TRAPPC9: variants seen among roughly 807,000 people sequenced by gnomAD.
TRAPPC9 encodes IKK2 binding protein.
Under a neutral mutation model 124.0 loss-of-function variants are expected in TRAPPC9, and 83 were observed. That is an observed-to-expected ratio of 0.67 (90% CI 0.56 to 0.80). The LOEUF is 0.80. Ranked by LOEUF, TRAPPC9 falls within the 30% of genes least tolerant of loss-of-function variation. The pLI is 0.00. For synonymous variants in TRAPPC9, 638 were observed against 617.5 expected (o/e 1.03, Z -0.49); for missense variants, 1,302 against 1,508.3 (o/e 0.86, Z 2.27).
At chr8:139,883,189 G>A (rs915764838) in intron 21 of TRAPPC9, among the ~76,000 whole-genome samples, 4 of 152,236 alleles carry the variant, frequency 2.6e-5, no homozygotes, top group Admixed American at 2.0e-4. Flanking sequence ...TAGCACATGA[G>A]TACGCTCAGC....
intron 20 of TRAPPC9, among the ~76,000 whole-genome samples, chr8:139,903,201 A>G (rs1052369792): frequency 2.6e-5 from 4 of 152,132 alleles, no homozygotes; most frequent in Non-Finnish European, 5.9e-5. Context: ...TGTCCTCCGC[A>G]TTTCACAGAT....
intron 11 of TRAPPC9, 73 bp downstream of exon 11, chr8:140,300,396 T>C (rs2131824791): frequency 6.9e-6 from 11 of 1,602,804 alleles, no homozygotes; most frequent in East Asian, 2.2e-5. Flanking sequence ...CAAAATGCTG[T>C]TCTAAAAATC....
At chr8:140,391,667 G>A (rs1373558332) in intron 7 of TRAPPC9, among the ~76,000 whole-genome samples, 5 of 150,076 alleles carry the variant, frequency 3.3e-5, no homozygotes, top group East Asian at 2.0e-4. Flanking sequence ...AGCCGAGATC[G>A]TGCCATTGCA....
At chr8:140,017,211 C>T (rs555266388) in intron 18 of TRAPPC9, among the ~76,000 whole-genome samples, 77 of 152,066 alleles carry the variant, frequency 5.1e-4, no homozygotes, top group Non-Finnish European at 1.0e-3. Flanking sequence ...TTTTAATAAG[C>T]TGAAGTTTTT....
intron 6 of TRAPPC9, chr8:140,405,257 C>G (rs1009813073): frequency 2.3e-5 from 6 of 258,096 alleles, no homozygotes; most frequent in African/African-American, 1.4e-4. Context: ...AAGTATGCTC[C>G]ATTTCTTAAA....
intron 17 of TRAPPC9, among the ~76,000 whole-genome samples, chr8:140,193,692 G>C (rs916175165): frequency 4.6e-5 from 7 of 151,138 alleles, no homozygotes; most frequent in Non-Finnish European, 1.0e-4. Flanking sequence ...CACTGGAAAG[G>C]CTGAAACCAG....
intron 1 of TRAPPC9, 96 bp downstream of exon 1, chr8:140,457,543 C>T: frequency 1.1e-6 from 1 of 939,698 alleles, no homozygotes; most frequent in South Asian, 4.9e-5. Flanking sequence ...CGGGCGAGCC[C>T]CTCCGCGGGA....
chr8:140,073,208 C>A (rs1201432499), intron 17 of TRAPPC9, among the ~76,000 whole-genome samples: 1 of 152,130 alleles, frequency 6.6e-6, no homozygotes, highest in African/African-American at 2.4e-5. Context: ...CCTAGTATTT[C>A]CAATTTATCA....
intron 21 of TRAPPC9, among the ~76,000 whole-genome samples, chr8:139,754,452 G>A (rs1819562262): frequency 6.6e-6 from 1 of 152,198 alleles, no homozygotes; most frequent in Non-Finnish European, 1.5e-5. Flanking sequence ...GCAGACAGCT[G>A]GGTGCTGCCT....
intron 7 of TRAPPC9, among the ~76,000 whole-genome samples, chr8:140,389,548 T>C (rs2068862870): frequency 6.6e-6 from 1 of 151,942 alleles, no homozygotes; most frequent in Non-Finnish European, 1.5e-5. Context: ...CAACAAACAT[T>C]AAAAAGTGCC....
intron 19 of TRAPPC9, among the ~76,000 whole-genome samples, chr8:139,950,919 G>A (rs567725989): frequency 1.3e-4 from 20 of 152,284 alleles, no homozygotes; most frequent in Non-Finnish European, 1.9e-4. Context: ...GGAGGGAGCC[G>A]CACCCGCCTT....
At chr8:139,951,017 T>G (rs1475834855) in intron 19 of TRAPPC9, among the ~76,000 whole-genome samples, 1 of 152,154 alleles carries the variant, frequency 6.6e-6, no homozygotes, top group African/African-American at 2.4e-5. Flanking sequence ...TGCTCACGGC[T>G]TGGAGTCAGC....
chr8:139,881,963 T>C (rs7846494), intron 21 of TRAPPC9, among the ~76,000 whole-genome samples: 1 of 152,008 alleles, frequency 6.6e-6, no homozygotes, highest in Non-Finnish European at 1.5e-5. Flanking sequence ...CATGCATGGA[T>C]GCCAGGAAGG....
At chr8:139,901,348 A>G (rs958358210) in intron 20 of TRAPPC9, among the ~76,000 whole-genome samples, 2 of 152,254 alleles carry the variant, frequency 1.3e-5, no homozygotes, top group African/African-American at 4.8e-5. Context: ...ACTGCTTTAA[A>G]TGATTAATGA....
intron 18 of TRAPPC9, among the ~76,000 whole-genome samples, chr8:140,006,800 G>C (rs1838787571): frequency 6.6e-6 from 1 of 152,164 alleles, no homozygotes; most frequent in African/African-American, 2.4e-5. Context: ...ATTAGTGGTA[G>C]ATTAGTGGTT....
At chr8:140,413,145 T>C (rs2069768897) in intron 5 of TRAPPC9, among the ~76,000 whole-genome samples, 1 of 152,084 alleles carries the variant, frequency 6.6e-6, no homozygotes. Context: ...TCCCAGCACT[T>C]TGGGAGGCCG....
chr8:139,783,517 A>C (rs1051349820), intron 21 of TRAPPC9, among the ~76,000 whole-genome samples: 3 of 152,214 alleles, frequency 2.0e-5, no homozygotes, highest in African/African-American at 7.2e-5. Context: ...ATACCTACAA[A>C]AGAAGTTGAA....
intron 17 of TRAPPC9, among the ~76,000 whole-genome samples, chr8:140,079,350 A>C (rs766267924): frequency 1.5e-4 from 23 of 152,180 alleles, no homozygotes; most frequent in Admixed American, 4.6e-4. Context: ...GGTGACACTT[A>C]GTTCACTCTT....
chr8:140,128,988 C>CATATAT lies in TRAPPC9; in HGVS notation c.2556+92465_2556+92470dup, dbSNP rs111502084. ...CTATAATAAAATATATATATATATA[C>CATATAT]ATATATATATATATATTAAAAAAAA... On this transcript the variant is annotated intron_variant, in intron 17 of 22. Coordinates refer to ENST00000438773, the MANE Select transcript of TRAPPC9 (RefSeq NM_001160372.4). Among the ~76,000 whole-genome samples, 134 of 134,830 alleles carry CATATAT rather than the reference C, an allele frequency of 9.9e-4. 1 individual carries two copies. Among genetic ancestry groups the CATATAT allele is most frequent in the African/African-American group, 3.4e-3 (126 of 37,452 alleles). The allele number at this position is 134,830 out of a possible 152,430, so 88.5% of individuals were successfully genotyped here.
Sources: gnomAD v4.1 joint callset for allele counts (sites outside exome capture counted in the v4.1 genomes callset) on GRCh38, gnomAD v4.1.1 for gene constraint, MANE v1.5 for transcripts, NCBI Gene and HGNC (gene_info 2026-07-23, HGNC 2026-07-21) for gene names.